Variants in PKHD1L1 observed in about 807,000 individuals in gnomAD.
PKHD1L1 encodes the protein fibrocystin-L.
A neutral mutation model predicts 462.9 loss-of-function variants in PKHD1L1; 434 were observed. The observed-to-expected ratio is 0.94, with a 90% CI of 0.87 to 1.02. PKHD1L1 has a LOEUF of 1.02. Ranked by LOEUF, PKHD1L1 falls within the 50% of genes least tolerant of loss-of-function variation. PKHD1L1 has a pLI of 0.00. For synonymous variants in PKHD1L1, 1,781 were observed against 1,750.0 expected (o/e 1.02, Z -0.44); for missense variants, 5,202 against 5,096.1 (o/e 1.02, Z -0.63).
At position 109,485,097 on chromosome 8, in the gene PKHD1L1, A is replaced by G. The variant is rs1376366258; in HGVS notation, c.9630A>G (p.Glu3210=). 6.2e-7 allele frequency: 1 copy of G among 1,604,404 alleles called. No homozygotes were observed. The highest frequency in any genetic ancestry group is 1.3e-5 in the African/African-American group (1 of 74,634). The change falls in exon 58 of 78, where the codon GAA becomes GAG. Residue 3210 remains glutamate (E), a synonymous_variant. Transcript: ENST00000378402. ...CAAGCTACGATTTCCACCAGACAGA[A>G]ACAAGAAGTATCGTTAAAATCCTGC... ...TTTSYDFHQT[E]TRSIVKILHD... is the part of the protein sequence containing the mutation.
rs771037531 is a variant in PKHD1L1 at position 109,443,835 on chromosome 8, C to T, written c.4724C>T (p.Thr1575Ile). The T allele has an allele frequency of 1.2e-6, 2 of 1,613,874 alleles. No homozygotes were observed. Among genetic ancestry groups the T allele is most frequent in the African/African-American group, 2.7e-5 (2 of 75,060 alleles). Residue 1575 changes from threonine to isoleucine, a missense_variant, in exon 37 of 78, where the codon ACT becomes ATT. Transcript: ENST00000378402. ...SPSISNITPSTGTVNELITII... is the reference protein window; with the variant it reads ...SPSISNITPSIGTVNELITII... ...TCTATAAGCAACATTACTCCGTCCACTGGAACAGTAAATGAACTAATAACA... is the reference window on the plus strand; with the variant it reads ...TCTATAAGCAACATTACTCCGTCCATTGGAACAGTAAATGAACTAATAACA...
intron 50 of PKHD1L1, among the ~76,000 whole-genome samples, chr8:109,469,785 G>A (rs1817631041): frequency 6.6e-6 from 1 of 151,968 alleles, no homozygotes; most frequent in Non-Finnish European, 1.5e-5. Flanking sequence ...TGTCCAGAAT[G>A]GAATGATGTT....
Position 109,491,968 on chromosome 8 carries a change from T to C in PKHD1L1, c.10210T>C (p.Ser3404Pro). Residue 3404 changes from serine to proline, a missense_variant, in exon 62 of 78, where the codon TCA (serine) becomes CCA (proline). Coordinates refer to ENST00000378402, the MANE Select transcript of PKHD1L1 (RefSeq NM_177531.6). ...GTYQNRKDLS[S>P]TLWHAAIEIN... ...CTATCAGAACAGAAAAGATTTAAGTTCAACTCTCTGGCATGCAGCAATTGA... is the reference window on the plus strand; with the variant it reads ...CTATCAGAACAGAAAAGATTTAAGTCCAACTCTCTGGCATGCAGCAATTGA... 6.4e-7 allele frequency: 1 copy of C among 1,573,390 alleles called. No homozygotes were observed. The highest frequency in any genetic ancestry group is 8.7e-7 in the Non-Finnish European group (1 of 1,155,882).
At chr8:109,388,300 T>C (rs1441241666) in intron 6 of PKHD1L1, among the ~76,000 whole-genome samples, 197 bp from the exon 7 acceptor site, 1 of 152,146 alleles carries the variant, frequency 6.6e-6, no homozygotes, top group Non-Finnish European at 1.5e-5. Flanking sequence ...AGTTCACCGA[T>C]GTGTGCCAGT....
chr8:109,429,908 A>T (rs1449608733), intron 26 of PKHD1L1, 24 bp from the exon 27 acceptor site: 1 of 1,509,608 alleles, frequency 6.6e-7, no homozygotes, highest in Non-Finnish European at 9.2e-7. Flanking sequence ...CATGTTCTGT[A>T]GCTTCTTGTT....
intron 65 of PKHD1L1, among the ~76,000 whole-genome samples, chr8:109,498,091 T>TAGTAAGAGCTATTATTAATGC (rs1244870725): frequency 2.9e-5 from 2 of 69,674 alleles, no homozygotes; most frequent in African/African-American, 1.4e-4. Context: ...TGTTTTCTTT[T>TAGTAAGAGCTATTATTAATGC]TTTTTTTTTT....
rs1817009543 is a variant in PKHD1L1 at position 109,459,692 on chromosome 8, G to A, written c.7102G>A (p.Gly2368Arg). 6.2e-7 allele frequency: 1 copy of A among 1,611,450 alleles called. No homozygotes were observed. The highest frequency in any genetic ancestry group is 1.7e-5 in the Admixed American group (1 of 59,764). Residue 2368 changes from glycine (G) to arginine (R), a missense_variant, in exon 47 of 78, where the codon GGA (glycine) becomes AGA (arginine). Around this residue, in one of 3 missense-constraint regions of PKHD1L1, gnomAD observed 4,497 missense variants for 4,336.8 expected, o/e 1.04. Coordinates refer to ENST00000378402, the MANE Select transcript of PKHD1L1 (RefSeq NM_177531.6). Reference protein sequence around the residue: ...LSNPLNYTHLGITVTLPDGTL... With the variant: ...LSNPLNYTHLRITVTLPDGTL... ...TAACCCACTAAATTACACACACTTA[G>A]GAATTACGGTCACACTCCCTGATGG... is the stretch of plus-strand genomic sequence containing the variant.
At position 109,510,954 on chromosome 8, in the gene PKHD1L1, G is replaced by T; in HGVS notation, c.11553+20G>T. On this transcript the variant is annotated intron_variant, in intron 71 of 77. Transcript: ENST00000378402. ...AACAAGGTAGGGCAAGATGTCTTAAGAGTAATTGCTGTTGATTATTTGCAT... is the reference window on the plus strand; with the variant it reads ...AACAAGGTAGGGCAAGATGTCTTAATAGTAATTGCTGTTGATTATTTGCAT... 1 of 1,606,902 alleles carries T rather than the reference G, an allele frequency of 6.2e-7. No homozygotes were observed.
At chr8:109,505,178 C>T (rs1468912296) in intron 68 of PKHD1L1, among the ~76,000 whole-genome samples, 1 of 152,120 alleles carries the variant, frequency 6.6e-6, no homozygotes, top group South Asian at 2.1e-4. Flanking sequence ...GCAAGAGCCA[C>T]ACACACAATT....
chr8:109,503,257 A>T (rs1258988351), intron 67 of PKHD1L1, among the ~76,000 whole-genome samples: 2 of 33,292 alleles, frequency 6.0e-5, no homozygotes, highest in Non-Finnish European at 1.3e-4. Context: ...AGGAGCCATG[A>T]TCACACCACT....
rs1269560765 is a variant in PKHD1L1, at chr8:109,522,178, C to T, written c.12032-8C>T. ...ATAATCCAAATGTCATAATACTTTT[C>T]CCCATAGGTCAGATGCAGTTATCTG... On this transcript the variant is annotated splice_polypyrimidine_tract_variant and splice_region_variant and intron_variant, in intron 73 of 77. Coordinates refer to ENST00000378402, the MANE Select transcript of PKHD1L1 (RefSeq NM_177531.6). 1 of 1,587,766 alleles carries T rather than the reference C, an allele frequency of 6.3e-7. No individual in the cohort carries two copies. Among genetic ancestry groups the T allele is most frequent in the African/African-American group, 1.4e-5 (1 of 74,016 alleles).
At chr8:109,463,571 TACAC>T (rs3058255) in intron 48 of PKHD1L1, among the ~76,000 whole-genome samples, 99 of 151,654 alleles carry the variant, frequency 6.5e-4, no homozygotes, top group African/African-American at 1.1e-3. Flanking sequence ...CACACGCACA[TACAC>T]ACACACACAG....
chr8:109,523,496 CAT>C, intron 76 of PKHD1L1, 110 bp downstream of exon 76: 1 of 1,050,596 alleles, frequency 9.5e-7, no homozygotes, highest in Non-Finnish European at 1.3e-6. Flanking sequence ...AAATTATAGA[CAT>C]CAGAATGCTA....
At chr8:109,497,869 T>C (rs1819195221) in intron 65 of PKHD1L1, among the ~76,000 whole-genome samples, 1 of 152,190 alleles carries the variant, frequency 6.6e-6, no homozygotes, top group Non-Finnish European at 1.5e-5. Context: ...CTCCACTTTT[T>C]TGTGCCTACT....
chr8:109,525,485 C>T (rs2131041256), intron 76 of PKHD1L1, among the ~76,000 whole-genome samples: 1 of 152,268 alleles, frequency 6.6e-6, no homozygotes, highest in Middle Eastern at 3.4e-3. Context: ...CAGGATAGCT[C>T]ACCACTGCTC....
Position 109,362,610 on chromosome 8 carries a change from G to A in PKHD1L1, c.30G>A (p.Trp10Ter), listed in dbSNP as rs1371219499. Residue 10 changes from tryptophan to a stop codon, truncating the protein, a stop_gained, in exon 1 of 78, where the codon TGG becomes TGA. Coordinates refer to ENST00000378402, the MANE Select transcript of PKHD1L1 (RefSeq NM_177531.6). LOFTEE classifies it high-confidence loss of function. MGHLWLLGIWGLCGLLLCAA... is the reference protein window; with the variant it reads MGHLWLLGI The stretch of plus-strand genomic sequence containing the variant: ...GACACCTGTGGCTCCTGGGTATTTG[G>A]GGCCTCTGTGGGCTGCTCCTGTGTG... The A allele has an allele frequency of 1.2e-6, 2 of 1,609,422 alleles. No homozygotes were observed. Among genetic ancestry groups the A allele is most frequent in the African/African-American group, 1.3e-5 (1 of 74,970 alleles).
chr8:109,477,444 A>C, intron 53 of PKHD1L1, 48 bp downstream of exon 53: 2 of 1,484,718 alleles, frequency 1.3e-6, no homozygotes, highest in Non-Finnish European at 1.8e-6. Context: ...TCTTAACATA[A>C]TCCTTTTCAC....
chr8:109,367,237 A>G (rs1586358094), intron 2 of PKHD1L1, among the ~76,000 whole-genome samples: 1 of 152,164 alleles, frequency 6.6e-6, no homozygotes, highest in African/African-American at 2.4e-5. Context: ...ATTTGGAGGG[A>G]CTATATTCAT....
At chr8:109,385,176 A>G (rs1022657372) in intron 5 of PKHD1L1, among the ~76,000 whole-genome samples, 2 of 151,282 alleles carry the variant, frequency 1.3e-5, no homozygotes, top group African/African-American at 2.4e-5. Flanking sequence ...TTTTTCAATA[A>G]TTGTTATGGT....
Sources: gnomAD v4.1 joint callset for allele counts (sites outside exome capture counted in the v4.1 genomes callset) on GRCh38, gnomAD v4.1.1 for gene constraint, gnomAD v4.1.1 regional missense constraint, MANE v1.5 for transcripts, NCBI Gene and HGNC (gene_info 2026-07-23, HGNC 2026-07-21) for gene names.